SCAPER: variants seen among roughly 807,000 people sequenced by gnomAD.
The protein encoded by SCAPER is S-phase cyclin A associated protein in the ER, also known as S phase cyclin A-associated protein in the endoplasmic reticulum.
A neutral mutation model predicts 182.2 loss-of-function variants in SCAPER; 98 were observed. The observed-to-expected ratio is 0.54, with a 90% CI of 0.46 to 0.64. The LOEUF is 0.64. SCAPER is among the 30% of genes least tolerant of loss of function. The pLI is 0.00. For synonymous variants in SCAPER, 605 were observed against 564.6 expected (o/e 1.07, Z -1.01); for missense variants, 1,432 against 1,690.0 (o/e 0.85, Z 2.68).
chr15:76,773,892 G>A (rs1185662218), intron 9 of SCAPER, among the ~76,000 whole-genome samples: 2 of 151,742 alleles, frequency 1.3e-5, no homozygotes, highest in Non-Finnish European at 3.0e-5. Context: ...TTTTTCATTA[G>A]TCATTTTACA....
At chr15:76,731,986 C>T (rs1287503304) in intron 16 of SCAPER, among the ~76,000 whole-genome samples, 2 of 152,198 alleles carry the variant, frequency 1.3e-5, no homozygotes, top group African/African-American at 2.4e-5. Context: ...ATATACACTA[C>T]TACTCATGTA....
At chr15:76,687,181 G>A (rs2147080496) in intron 20 of SCAPER, among the ~76,000 whole-genome samples, 1 of 152,182 alleles carries the variant, frequency 6.6e-6, no homozygotes, top group South Asian at 2.1e-4. Context: ...TTTCCATTTT[G>A]AGTAAAGGAT....
intron 17 of SCAPER, among the ~76,000 whole-genome samples, chr15:76,715,703 C>T (rs2059856943): frequency 6.6e-6 from 1 of 152,100 alleles, no homozygotes; most frequent in Non-Finnish European, 1.5e-5. Flanking sequence ...TTCTGGATCC[C>T]AAATGGCAAC....
At chr15:76,481,490 G>C (rs564289185) in intron 24 of SCAPER, among the ~76,000 whole-genome samples, 1 of 152,028 alleles carries the variant, frequency 6.6e-6, no homozygotes, top group Non-Finnish European at 1.5e-5. Context: ...CCTCATACAC[G>C]CTGCATATAT....
chr15:76,606,759 A>G (rs2050445029), intron 22 of SCAPER, among the ~76,000 whole-genome samples: 1 of 151,502 alleles, frequency 6.6e-6, no homozygotes, highest in African/African-American at 2.4e-5. Context: ...TGATCCCTTT[A>G]CCATTATGTA....
chr15:76,547,283 G>A (rs751018064), intron 23 of SCAPER, among the ~76,000 whole-genome samples: 8 of 152,264 alleles, frequency 5.3e-5, no homozygotes, highest in Middle Eastern at 3.4e-3. Flanking sequence ...GATTATTAAT[G>A]AGATTGAGCA....
chr15:76,796,099 C>T lies in SCAPER; in HGVS notation c.612-659G>A, dbSNP rs147672138. Among the ~76,000 whole-genome samples the T allele has an allele frequency of 4.6e-5, 7 of 152,174 alleles. No homozygotes were observed. The East Asian group carries it at 9.6e-4, about 21-fold the overall frequency. On this transcript the variant is annotated intron_variant, in intron 7 of 31. Coordinates refer to ENST00000563290, the MANE Select transcript of SCAPER (RefSeq NM_020843.4). ...AAAAAGACATAAATATGCATTAATT[C>T]GTCAATCTTGATAAAGACACTACTA... is the stretch of plus-strand genomic sequence containing the variant.
At chr15:76,427,882 G>GAGATCGCATCACTGAACTCC (rs2046548797) in intron 26 of SCAPER, among the ~76,000 whole-genome samples, 2 of 150,692 alleles carry the variant, frequency 1.3e-5, no homozygotes, top group Admixed American at 1.3e-4. Flanking sequence ...GCAGTGAGCT[G>GAGATCGCATCACTGAACTCC]AGATCGCATC....
At chr15:76,847,288 C>A (rs1265609432) in intron 4 of SCAPER, among the ~76,000 whole-genome samples, 1 of 151,862 alleles carries the variant, frequency 6.6e-6, no homozygotes, top group African/African-American at 2.4e-5. Flanking sequence ...CACATGTATA[C>A]CTATGTAACA....
chr15:76,506,551 T>A (rs2041601135), intron 23 of SCAPER, among the ~76,000 whole-genome samples: 1 of 152,026 alleles, frequency 6.6e-6, no homozygotes, highest in African/African-American at 2.4e-5. Flanking sequence ...GGGGAAAGGG[T>A]CAGGATAGGC....
In SCAPER at chr15:76,800,303, G is replaced by T. The variant is rs767482853; in HGVS notation, c.556C>A (p.Pro186Thr). Residue 186 changes from proline to threonine, a missense_variant, in exon 7 of 32, where the codon CCA (proline) becomes ACA (threonine). Pro to Thr is a conservative substitution (Grantham distance 38). This residue lies in a region of SCAPER where 480 missense variants were observed against 510.2 expected (regional missense o/e 0.94). Transcript: ENST00000563290. ...GTTACATTTATTCTATCTGTTGATGGACTTGGAATCACATGGCGTCCCGGA... is the reference window on the plus strand; with the variant it reads ...GTTACATTTATTCTATCTGTTGATGTACTTGGAATCACATGGCGTCCCGGA... ...MSPGRHVIPS[P>T]STDRINVTSN... 25 of 1,613,206 alleles carry T rather than the reference G, an allele frequency of 1.5e-5. No individual in the cohort carries two copies. The South Asian group carries it at 2.7e-4, about 18-fold the overall frequency.
At chr15:76,462,688 A>G (rs886825049) in intron 25 of SCAPER, among the ~76,000 whole-genome samples, 1 of 152,132 alleles carries the variant, frequency 6.6e-6, no homozygotes, top group Admixed American at 6.6e-5. Context: ...GGTGATAGTG[A>G]TAATGGTGGT....
intron 21 of SCAPER, among the ~76,000 whole-genome samples, chr15:76,651,013 T>C (rs989681124): frequency 6.6e-6 from 1 of 152,120 alleles, no homozygotes; most frequent in Admixed American, 6.5e-5. Context: ...GTAGGTTAAG[T>C]AGGTATTAGA....
chr15:76,473,431 A>G (rs529749763), intron 24 of SCAPER, among the ~76,000 whole-genome samples: 14 of 152,260 alleles, frequency 9.2e-5, no homozygotes, highest in Non-Finnish European at 2.1e-4. Context: ...GTCAATGGGC[A>G]CGACAGATTC....
intron 5 of SCAPER, among the ~76,000 whole-genome samples, chr15:76,840,774 T>C (rs950573772): frequency 2.6e-5 from 4 of 152,218 alleles, no homozygotes; most frequent in Admixed American, 2.0e-4. Context: ...TAAAAAGTAA[T>C]ATGGTATAAA....
At chr15:76,553,228 C>T (rs955464670) in intron 23 of SCAPER, among the ~76,000 whole-genome samples, 24 of 152,230 alleles carry the variant, frequency 1.6e-4, no homozygotes, top group African/African-American at 5.8e-4. Flanking sequence ...GTAGAGCATG[C>T]TGCTGCATTG....
intron 23 of SCAPER, among the ~76,000 whole-genome samples, chr15:76,542,919 C>T (rs764491459): frequency 4.0e-4 from 61 of 152,086 alleles, no homozygotes; most frequent in Non-Finnish European, 8.4e-4. Context: ...GTTTTTAATA[C>T]TCAAACTTTA....
intron 17 of SCAPER, among the ~76,000 whole-genome samples, chr15:76,719,063 G>T (rs2060049630): frequency 6.6e-6 from 1 of 152,080 alleles, no homozygotes; most frequent in South Asian, 2.1e-4. Flanking sequence ...ATACCCAAAG[G>T]AAATGGAATC....
intron 8 of SCAPER, among the ~76,000 whole-genome samples, chr15:76,777,694 C>G (rs2063828736): frequency 6.6e-6 from 1 of 151,586 alleles, no homozygotes. Context: ...AACTCCATCT[C>G]AAAAAAGTAA....
Sources: gnomAD v4.1 joint callset for allele counts (sites outside exome capture counted in the v4.1 genomes callset) on GRCh38, gnomAD v4.1.1 for gene constraint, gnomAD v4.1.1 regional missense constraint, MANE v1.5 for transcripts, NCBI Gene and HGNC (gene_info 2026-07-23, HGNC 2026-07-21) for gene names.